POLDIP3: variants seen among roughly 807,000 people sequenced by gnomAD.
POLDIP3 encodes DNA polymerase delta interacting protein 3.
Under a neutral mutation model 45.1 loss-of-function variants are expected in POLDIP3, and 14 were observed. The ratio of observed to expected loss-of-function variants is 0.31; its 90% CI spans 0.20 to 0.49. The LOEUF is 0.49. POLDIP3 is among the 20% of genes least tolerant of loss of function. The pLI, the probability that POLDIP3 is intolerant of heterozygous loss-of-function variation, is 0.99. For missense variants in POLDIP3, 511 were observed against 538.8 expected (o/e 0.95, Z 0.51); for synonymous variants, 223 against 205.2 (o/e 1.09, Z -0.74).
chr22:42,612,838 A>C (rs1018806690), intron 1 of POLDIP3, among the ~76,000 whole-genome samples: 3 of 151,866 alleles, frequency 2.0e-5, no homozygotes, highest in Non-Finnish European at 4.4e-5. Flanking sequence ...AAAAACAAAC[A>C]AAAAAAACCC....
chr22:42,599,692 C>A lies in POLDIP3; in HGVS notation c.633+6G>T. On this transcript the variant is annotated splice_donor_region_variant and intron_variant, in intron 4 of 8. Transcript: ENST00000252115. ...ACGCAGTGTAAGAAAACATGAAATG[C>A]CATACCATGTGGTGGAGAAAGCCGC... 3 of 1,583,566 alleles carry A rather than the reference C, an allele frequency of 1.9e-6. No homozygotes were observed. Among genetic ancestry groups the A allele is most frequent in the Non-Finnish European group, 2.6e-6 (3 of 1,152,562 alleles).
At chr22:42,587,624 C>T (rs1254066901) in intron 7 of POLDIP3, 52 bp from the exon 8 acceptor site, 1 of 1,515,152 alleles carries the variant, frequency 6.6e-7, no homozygotes. Context: ...CGGCTCCTCA[C>T]ACAAGAGGAC....
At chr22:42,597,780 C>CT (rs137103) in intron 4 of POLDIP3, 69,866 of 379,156 alleles carry the variant, frequency 0.18, 6,686 homozygotes, top group African/African-American at 0.52. Flanking sequence ...TTCACGACCT[C>CT]TTTTTTTTTT....
intron 1 of POLDIP3, 65 bp downstream of exon 1, chr22:42,614,734 C>G (rs1314444800): frequency 1.1e-5 from 17 of 1,561,994 alleles, no homozygotes; most frequent in Admixed American, 1.7e-5. Flanking sequence ...GGATCGCTAC[C>G]TCCCCCGCCT....
rs1283195385 is a variant in POLDIP3, at chr22:42,603,091, C to G, written c.129G>C (p.Gln43His). 29 of 1,614,084 alleles carry G rather than the reference C, an allele frequency of 1.8e-5. No homozygotes were observed. The highest frequency in any genetic ancestry group is 2.2e-5 in the Non-Finnish European group (26 of 1,180,046). ...GCTGGAAGGTGGCTGTGCGTGTTGACTGGCTGAGAAGGCCTTGCTGGATCC... is the reference window on the plus strand; with the variant it reads ...GCTGGAAGGTGGCTGTGCGTGTTGAGTGGCTGAGAAGGCCTTGCTGGATCC... ...RVGIQQGLLSQSTRTATFQQR... is the reference protein window; with the variant it reads ...RVGIQQGLLSHSTRTATFQQR... Residue 43 changes from glutamine to histidine, a missense_variant, in exon 2 of 9, where the codon CAG (glutamine) becomes CAC (histidine). Gln to His is a conservative substitution (Grantham distance 24, BLOSUM62 0). Coordinates refer to ENST00000252115, the MANE Select transcript of POLDIP3 (RefSeq NM_032311.5).
intron 1 of POLDIP3, among the ~76,000 whole-genome samples, chr22:42,606,734 T>C (rs1342758034): frequency 2.0e-5 from 3 of 152,160 alleles, no homozygotes; most frequent in Non-Finnish European, 4.4e-5. Context: ...GCCTTCTAAG[T>C]ATGGAGCCAC....
chr22:42,591,811 AGACTGCACG>A lies in POLDIP3; in HGVS notation c.1021+135_1021+143del, dbSNP rs1371214378. Reference sequence around the variant, plus strand: ...TAACCCACAGCTCAGGACTACTCAGAGACTGCACGGCAGTTCCTGGTGCAGACGAGGCCC... The same window carrying A: ...TAACCCACAGCTCAGGACTACTCAGAGCAGTTCCTGGTGCAGACGAGGCCC... On this transcript the variant is annotated intron_variant, in intron 7 of 8. Transcript: ENST00000252115. The A allele has an allele frequency of 1.8e-5, 20 of 1,095,186 alleles. No homozygotes were observed. In the Admixed American group the frequency reaches 4.4e-4, roughly 24 times the overall value. The allele number at this position is 1,095,186 out of a possible 1,614,324, so 67.8% of individuals were successfully genotyped here.
chr22:42,591,059 G>C (rs1925635705), intron 7 of POLDIP3, among the ~76,000 whole-genome samples: 3 of 136,734 alleles, frequency 2.2e-5, no homozygotes, highest in South Asian at 2.3e-4. Flanking sequence ...GGGCAACAGA[G>C]AGAAACTCAA....
In POLDIP3 at chr22:42,583,822, G is replaced by C. The variant is rs1285029730; in HGVS notation, c.*1969C>G. 3 of 152,514 alleles carry C rather than the reference G, an allele frequency of 2.0e-5. No homozygotes were observed. Among genetic ancestry groups the C allele is most frequent in the Non-Finnish European group, 4.4e-5 (3 of 68,104 alleles). 9.4% of individuals were successfully genotyped at this position (152,514 alleles called of 1,614,324 possible). A position where few individuals can be genotyped will look rare whatever the true frequency, so the allele number is the denominator to read the frequency against. ...CCTTCTGCACAGGAGACACAGATGGGTAACATAGAGGCATGGGAAGTGGAG... is the reference window on the plus strand; with the variant it reads ...CCTTCTGCACAGGAGACACAGATGGCTAACATAGAGGCATGGGAAGTGGAG... On this transcript the variant is annotated 3_prime_UTR_variant, in exon 9 of 9. Coordinates refer to ENST00000252115, the MANE Select transcript of POLDIP3 (RefSeq NM_032311.5).
Position 42,584,966 on chromosome 22 carries a change from C to T in POLDIP3, c.*825G>A, listed in dbSNP as rs1310766421. 2 of 456,312 alleles carry T rather than the reference C, an allele frequency of 4.4e-6. No individual in the cohort carries two copies. Among genetic ancestry groups the T allele is most frequent in the Admixed American group, 4.7e-5 (2 of 42,582 alleles). The allele number at this position is 456,312 out of a possible 1,614,324, so 28.3% of individuals were successfully genotyped here. ...CCAACCAGAAGAGAGCTGGCGGCTACACAAAACCAGGGTGTGGTTAAGTGC... is the reference window on the plus strand; with the variant it reads ...CCAACCAGAAGAGAGCTGGCGGCTATACAAAACCAGGGTGTGGTTAAGTGC... On this transcript the variant is annotated 3_prime_UTR_variant, in exon 9 of 9. Coordinates refer to ENST00000252115, the MANE Select transcript of POLDIP3 (RefSeq NM_032311.5).
rs1484951231 is a variant in POLDIP3, at chr22:42,583,810, A to C, written c.*1981T>G. On this transcript the variant is annotated 3_prime_UTR_variant, in exon 9 of 9. Coordinates refer to ENST00000252115, the MANE Select transcript of POLDIP3 (RefSeq NM_032311.5). ...GCCCCTTCCTCTCCTTCTGCACAGG[A>C]GACACAGATGGGTAACATAGAGGCA... The C allele has an allele frequency of 6.6e-6, 1 of 152,568 alleles. No homozygotes were observed. The highest frequency in any genetic ancestry group is 2.1e-4 in the South Asian group (1 of 4,828). 9.5% of individuals were successfully genotyped at this position (152,568 alleles called of 1,614,324 possible).
At position 42,584,693 on chromosome 22, in the gene POLDIP3, T is replaced by G. The variant is rs1204501188; in HGVS notation, c.*1098A>C. ...TGCCTGGTAGAGCTGCCCTGCTCCC[T>G]TGACTCCTCCTCCTCTGCCAAGGCA... On this transcript the variant is annotated 3_prime_UTR_variant, in exon 9 of 9. Coordinates refer to ENST00000252115, the MANE Select transcript of POLDIP3 (RefSeq NM_032311.5). 5.6e-6 allele frequency: 2 copies of G among 358,786 alleles called. No homozygotes were observed. The highest frequency in any genetic ancestry group is 1.1e-5 in the Non-Finnish European group (2 of 182,972). The allele number at this position is 358,786 out of a possible 1,614,324, so 22.2% of individuals were successfully genotyped here.
chr22:42,597,808 T>C (rs904396109), intron 4 of POLDIP3: 14 of 445,156 alleles, frequency 3.1e-5, no homozygotes, highest in South Asian at 6.4e-5. Flanking sequence ...TGAGACGGAG[T>C]CTCGCCCTGT....
Position 42,585,168 on chromosome 22 carries a change from T to C in POLDIP3, c.*623A>G, listed in dbSNP as rs541801204. ...CGGGACTCCAAGCCAAGAGCTTAGA[T>C]AGACTCTTCCCAGCGGTGCAGCCTC... On this transcript the variant is annotated 3_prime_UTR_variant, in exon 9 of 9. Transcript: ENST00000252115. The C allele has an allele frequency of 1.5e-4, 69 of 469,364 alleles. No individual in the cohort carries two copies. The highest frequency in any genetic ancestry group is 5.5e-4 in the African/African-American group (28 of 50,710). 29.1% of individuals were successfully genotyped at this position (469,364 alleles called of 1,614,324 possible).
At chr22:42,601,817 T>C (rs1926397957) in intron 3 of POLDIP3, among the ~76,000 whole-genome samples, 153 bp downstream of exon 3, 1 of 152,212 alleles carries the variant, frequency 6.6e-6, no homozygotes, top group African/African-American at 2.4e-5. Flanking sequence ...AAAAGTTCGC[T>C]GTAACCCTGC....
intron 7 of POLDIP3, 75 bp downstream of exon 7, chr22:42,591,880 C>T: frequency 6.3e-7 from 1 of 1,590,450 alleles, no homozygotes; most frequent in South Asian, 1.1e-5. Flanking sequence ...CAGAGACTTC[C>T]CCTGGAAGGC....
intron 7 of POLDIP3, among the ~76,000 whole-genome samples, chr22:42,590,576 T>C (rs562485544): frequency 6.6e-6 from 1 of 152,332 alleles, no homozygotes; most frequent in East Asian, 1.9e-4. Context: ...ATTATAATGT[T>C]ATGGGCCCAC....
At chr22:42,607,440 A>C (rs1459466148) in intron 1 of POLDIP3, among the ~76,000 whole-genome samples, 1 of 152,174 alleles carries the variant, frequency 6.6e-6, no homozygotes, top group Non-Finnish European at 1.5e-5. Context: ...AATGCAGTGG[A>C]GTGATCTCGG....
At chr22:42,600,830 G>A (rs892426830) in intron 3 of POLDIP3, among the ~76,000 whole-genome samples, 6 of 151,948 alleles carry the variant, frequency 3.9e-5, no homozygotes, top group Non-Finnish European at 7.4e-5. Flanking sequence ...TTAGCCAGGC[G>A]CGGTGACTCA....
Sources: allele counts gnomAD v4.1 joint callset (sites outside exome capture counted in the v4.1 genomes callset), GRCh38; gene constraint gnomAD v4.1.1; transcripts MANE v1.5; gene names NCBI Gene and HGNC (gene_info 2026-07-23, HGNC 2026-07-21).